The following SHLD1 variants were observed in gnomAD, a reference collection of about 807,000 sequenced individuals.
The protein encoded by SHLD1 is RINN1-REV7-interacting novel NHEJ regulator 3.
SHLD1 carries 3 observed loss-of-function variants against 5.5 expected under a neutral mutation model. The ratio of observed to expected loss-of-function variants is 0.54; its 90% CI spans 0.25 to 1.40. The LOEUF (loss-of-function observed/expected upper bound fraction) is 1.40, where lower values mean the gene tolerates loss of function less well. Ranked by LOEUF, SHLD1 falls within the 40% of genes most tolerant of loss-of-function variation. SHLD1 has a pLI of 0.15. For synonymous variants in SHLD1, 92 were observed against 94.3 expected, an observed-to-expected ratio of 0.98 and a Z score of 0.14; for missense variants, 210 against 244.4, an observed-to-expected ratio of 0.86 and a Z score of 0.94.
intron 2 of SHLD1, among the ~76,000 whole-genome samples, chr20:5,788,396 C>T (rs1286785985): frequency 1.3e-5 from 2 of 152,120 alleles, no homozygotes; most frequent in Non-Finnish European, 2.9e-5. Context: ...AGACTAACAC[C>T]ATTTTAGAAG....
chr20:5,780,552 G>A (rs566246616), intron 2 of SHLD1, among the ~76,000 whole-genome samples: 1 of 152,254 alleles, frequency 6.6e-6, no homozygotes, highest in East Asian at 1.9e-4. Context: ...GTAGGCCAAG[G>A]AAGGGTGACC....
At chr20:5,840,322 AT>A (rs1010348451) in intron 2 of SHLD1, among the ~76,000 whole-genome samples, 2 of 149,708 alleles carry the variant, frequency 1.3e-5, no homozygotes, top group South Asian at 2.1e-4. Flanking sequence ...TTTTAGCTTG[AT>A]TTTTTTTTTC....
At chr20:5,839,911 C>T (rs1269734730) in intron 2 of SHLD1, among the ~76,000 whole-genome samples, 1 of 152,132 alleles carries the variant, frequency 6.6e-6, no homozygotes, top group Non-Finnish European at 1.5e-5. Flanking sequence ...TTCAGGTTGT[C>T]CCTGCGCCCC....
intron 2 of SHLD1, among the ~76,000 whole-genome samples, chr20:5,858,651 TG>T (rs1420826023): frequency 2.0e-5 from 3 of 152,116 alleles, no homozygotes; most frequent in Non-Finnish European, 4.4e-5. Context: ...CTGGCCAACA[TG>T]GCAAAACCCC....
chr20:5,843,404 T>A (rs575717488), intron 2 of SHLD1, among the ~76,000 whole-genome samples: 1 of 152,230 alleles, frequency 6.6e-6, no homozygotes, highest in African/African-American at 2.4e-5. Context: ...AAGTTTTTGT[T>A]TGTTTTGTTT....
intron 2 of SHLD1, among the ~76,000 whole-genome samples, chr20:5,838,972 T>C (rs1262037320): frequency 6.6e-6 from 1 of 152,202 alleles, no homozygotes; most frequent in Non-Finnish European, 1.5e-5. Context: ...CAGACTCACC[T>C]TGCTGGAAGT....
intron 2 of SHLD1, 53 bp downstream of exon 2, chr20:5,773,096 G>C (rs775686862): frequency 6.4e-7 from 1 of 1,574,546 alleles, no homozygotes; most frequent in South Asian, 1.1e-5. Flanking sequence ...GCAGCAATAC[G>C]GGTGTGTGAT....
At chr20:5,833,797 G>A (rs566218247) in intron 2 of SHLD1, among the ~76,000 whole-genome samples, 37 of 133,838 alleles carry the variant, frequency 2.8e-4, no homozygotes, top group African/African-American at 9.7e-4. Context: ...GAAAAAGAGA[G>A]AGAAAGAGAG....
intron 1 of SHLD1, among the ~76,000 whole-genome samples, chr20:5,771,476 C>CTGA (rs775450946): frequency 1.3e-5 from 2 of 152,300 alleles, no homozygotes; most frequent in Non-Finnish European, 2.9e-5. Flanking sequence ...GGGATCCTTG[C>CTGA]TGATGTCTTT....
chr20:5,804,514 G>A (rs746748428), intron 2 of SHLD1, among the ~76,000 whole-genome samples: 1 of 152,098 alleles, frequency 6.6e-6, no homozygotes, highest in Non-Finnish European at 1.5e-5. Context: ...GCCACATCCT[G>A]TGATCGTTCA....
At chr20:5,843,149 G>A (rs1287023) in intron 2 of SHLD1, among the ~76,000 whole-genome samples, 61,314 of 151,886 alleles carry the variant, frequency 0.4, 14,674 homozygotes, top group African/African-American at 0.67. Context: ...TAAGGTTTAC[G>A]CTTGCTTTCA....
At chr20:5,822,738 C>T (rs1423343887) in intron 2 of SHLD1, among the ~76,000 whole-genome samples, 1 of 152,146 alleles carries the variant, frequency 6.6e-6, no homozygotes, top group East Asian at 1.9e-4. Flanking sequence ...CCGTTAACCC[C>T]TCACTCCTGC....
Position 5,810,451 on chromosome 20 carries a change from A to G in SHLD1, c.178+37408A>G, listed in dbSNP as rs550245824. 3.3e-5 allele frequency among the ~76,000 whole-genome samples: 5 copies of G among 152,186 alleles called. No individual in the cohort carries two copies. In the South Asian group the frequency reaches 1.0e-3, roughly 32 times the overall value. On this transcript the variant is annotated intron_variant, in intron 2 of 2. Transcript: ENST00000303142. ...ATTTAATTATCTTTTGTGAAATGAGAGCATTTGCCTAAGTTGCCTAGAGTC... is the reference window on the plus strand; with the variant it reads ...ATTTAATTATCTTTTGTGAAATGAGGGCATTTGCCTAAGTTGCCTAGAGTC...
At chr20:5,862,138 T>G (rs1383812022) in intron 2 of SHLD1, among the ~76,000 whole-genome samples, 2 of 152,224 alleles carry the variant, frequency 1.3e-5, no homozygotes, top group African/African-American at 4.8e-5. Context: ...TCTCTCCAAA[T>G]ATAGTCATGT....
chr20:5,782,755 G>GT (rs2087003877), intron 2 of SHLD1, among the ~76,000 whole-genome samples: 2 of 151,640 alleles, frequency 1.3e-5, no homozygotes, highest in Non-Finnish European at 2.9e-5. Flanking sequence ...GTATTTAAGA[G>GT]TAAAAAAAAG....
At chr20:5,841,901 G>A (rs1333161966) in intron 2 of SHLD1, among the ~76,000 whole-genome samples, 6 of 152,360 alleles carry the variant, frequency 3.9e-5, no homozygotes, top group Admixed American at 1.3e-4. Flanking sequence ...AGAGCAGCAC[G>A]CATGAGCTGA....
chr20:5,850,790 A>G (rs2087999235), intron 2 of SHLD1, among the ~76,000 whole-genome samples: 1 of 152,150 alleles, frequency 6.6e-6, no homozygotes, highest in Admixed American at 6.6e-5. Context: ...GATTACAGGC[A>G]TGAGCCAACG....
chr20:5,784,163 AG>A (rs906835721), intron 2 of SHLD1, among the ~76,000 whole-genome samples: 2 of 150,266 alleles, frequency 1.3e-5, no homozygotes, highest in Non-Finnish European at 3.0e-5. Context: ...AAAAAAAAAA[AG>A]AAAAAAGAAA....
Position 5,855,143 on chromosome 20 carries a change from G to C in SHLD1, c.179-7881G>C, listed in dbSNP as rs1355180587. Among the ~76,000 whole-genome samples, 1 of 151,816 alleles carries C rather than the reference G, an allele frequency of 6.6e-6. No individual in the cohort carries two copies. The highest frequency in any genetic ancestry group is 1.9e-4 in the East Asian group (1 of 5,170). ...TCCTCCTGCCTTGGCCTCCTAAAGTGCTGGGATTACAGGTGTGAGCCATAG... is the reference window on the plus strand; with the variant it reads ...TCCTCCTGCCTTGGCCTCCTAAAGTCCTGGGATTACAGGTGTGAGCCATAG... On this transcript the variant is annotated intron_variant, in intron 2 of 2. Coordinates refer to ENST00000303142, the MANE Select transcript of SHLD1 (RefSeq NM_152504.4). The surrounding 1 kb of genome is among the most constrained non-coding windows in gnomAD (Gnocchi z 4.4).
Sources: allele counts gnomAD v4.1 joint callset (sites outside exome capture counted in the v4.1 genomes callset), GRCh38; gene constraint gnomAD v4.1.1; non-coding constraint Gnocchi (gnomAD v3.1); transcripts MANE v1.5; gene names NCBI Gene and HGNC (gene_info 2026-07-23, HGNC 2026-07-21).